RASAL2: variants seen among roughly 807,000 people sequenced by gnomAD.
RASAL2 encodes the protein RAS protein activator like 2.
A neutral mutation model predicts 128.9 loss-of-function variants in RASAL2; 58 were observed. The observed-to-expected ratio is 0.45, with a 90% CI of 0.36 to 0.56. RASAL2 has a LOEUF of 0.56. Among genes scored for constraint, RASAL2 ranks in the 20% least tolerant of loss-of-function variants. The pLI is 0.00. For missense variants in RASAL2, 1,360 were observed against 1,601.6 expected (o/e 0.85, Z 2.57); for synonymous variants, 561 against 580.8 (o/e 0.97, Z 0.49).
intron 1 of RASAL2, among the ~76,000 whole-genome samples, chr1:178,106,083 A>G (rs905634325): frequency 5.3e-5 from 8 of 152,206 alleles, no homozygotes; most frequent in African/African-American, 1.9e-4. Flanking sequence ...TATTGTTAGG[A>G]GTTAATCTAT....
chr1:178,301,948 A>T (rs897130211), intron 3 of RASAL2, among the ~76,000 whole-genome samples: 10 of 152,218 alleles, frequency 6.6e-5, no homozygotes, highest in Non-Finnish European at 1.2e-4. Context: ...GTCTAGAGCC[A>T]GTCCTTATCT....
In RASAL2 at chr1:178,420,527, G is replaced by A. The variant is rs1324783543; in HGVS notation, c.581G>A (p.Arg194His). The A allele has an allele frequency of 5.6e-6, 9 of 1,610,290 alleles. No homozygotes were observed. Among genetic ancestry groups the A allele is most frequent in the South Asian group, 2.2e-5 (2 of 90,550 alleles). The part of the protein sequence containing the change: ...PFKVPGFFSK[R>H]LKGSIKRTKS... ...TCCTTCTAGGGATTCTTCAGCAAGCGCCTGAAAGGCTCCATCAAGAGGACC... is the reference window on the plus strand; with the variant it reads ...TCCTTCTAGGGATTCTTCAGCAAGCACCTGAAAGGCTCCATCAAGAGGACC... Residue 194 changes from arginine (R) to histidine (H), a missense_variant, in exon 5 of 18, where the codon CGC (arginine) becomes CAC (histidine). Transcript: ENST00000367649.
intron 16 of RASAL2, among the ~76,000 whole-genome samples, chr1:178,466,643 G>T (rs532965191): frequency 1.3e-5 from 2 of 152,064 alleles, no homozygotes; most frequent in African/African-American, 2.4e-5. Flanking sequence ...CTCCACCTAC[G>T]CATTATTATT....
chr1:178,315,246 C>A, intron 3 of RASAL2, among the ~76,000 whole-genome samples: 2 of 149,846 alleles, frequency 1.3e-5, no homozygotes, highest in Non-Finnish European at 2.9e-5. Flanking sequence ...GCCGCAATAA[C>A]CATACATGTG....
intron 1 of RASAL2, among the ~76,000 whole-genome samples, chr1:178,150,577 T>C (rs895314801): frequency 4.6e-5 from 7 of 152,222 alleles, no homozygotes; most frequent in African/African-American, 1.7e-4. Flanking sequence ...ATGTGGACTT[T>C]AGGAATTTAA....
chr1:178,108,808 G>A (rs547454148), intron 1 of RASAL2, among the ~76,000 whole-genome samples: 1 of 152,164 alleles, frequency 6.6e-6, no homozygotes, highest in Non-Finnish European at 1.5e-5. Flanking sequence ...GATACGCTTT[G>A]GATGTCATAA....
chr1:178,123,898 T>G (rs576600435), intron 1 of RASAL2: 9 of 152,472 alleles, frequency 5.9e-5, no homozygotes, highest in Admixed American at 5.2e-4. Flanking sequence ...GTCTTGAACT[T>G]CTGGGCTCAA....
At chr1:178,332,238 C>T (rs1201159064) in intron 3 of RASAL2, among the ~76,000 whole-genome samples, 1 of 152,032 alleles carries the variant, frequency 6.6e-6, no homozygotes, top group Non-Finnish European at 1.5e-5. Context: ...CAGTGACTCA[C>T]GCCTGTAATC....
intron 1 of RASAL2, among the ~76,000 whole-genome samples, chr1:178,131,924 T>C (rs949602215): frequency 1.3e-5 from 2 of 152,242 alleles, no homozygotes; most frequent in African/African-American, 4.8e-5. Flanking sequence ...TTTATCCCTA[T>C]ACTAAAATTC....
At chr1:178,225,426 A>G (rs1218618841) in intron 1 of RASAL2, among the ~76,000 whole-genome samples, 1 of 151,998 alleles carries the variant, frequency 6.6e-6, no homozygotes, top group African/African-American at 2.4e-5. Context: ...ATTTTAAATA[A>G]AAGTAGGATC....
At chr1:178,277,163 A>AC (rs1454251178) in intron 1 of RASAL2, among the ~76,000 whole-genome samples, 1 of 151,712 alleles carries the variant, frequency 6.6e-6, no homozygotes, top group South Asian at 2.1e-4. Flanking sequence ...AAAAAAAAAA[A>AC]AAAAAAACCA....
At chr1:178,262,643 A>T (rs1453227206) in intron 1 of RASAL2, among the ~76,000 whole-genome samples, 3 of 152,192 alleles carry the variant, frequency 2.0e-5, no homozygotes, top group Non-Finnish European at 4.4e-5. Flanking sequence ...AGAGAAATAG[A>T]TGAAGAAGAT....
intron 1 of RASAL2, among the ~76,000 whole-genome samples, chr1:178,244,108 C>G (rs1204746728): frequency 6.6e-6 from 1 of 152,160 alleles, no homozygotes; most frequent in African/African-American, 2.4e-5. Context: ...ACCCTTCAGT[C>G]AGTTTGCACT....
At chr1:178,191,131 TC>T (rs2101947504) in intron 1 of RASAL2, among the ~76,000 whole-genome samples, 1 of 152,264 alleles carries the variant, frequency 6.6e-6, no homozygotes, top group African/African-American at 2.4e-5. Context: ...ATTAAAATCA[TC>T]CAAATGATAG....
intron 3 of RASAL2, among the ~76,000 whole-genome samples, chr1:178,380,593 G>T (rs1019879950): frequency 6.6e-6 from 1 of 152,144 alleles, no homozygotes; most frequent in Non-Finnish European, 1.5e-5. Flanking sequence ...GTAGGGGCAG[G>T]TGTCCAGACA....
At chr1:178,402,376 C>T (rs1318319449) in intron 4 of RASAL2, among the ~76,000 whole-genome samples, 1 of 151,312 alleles carries the variant, frequency 6.6e-6, no homozygotes, top group African/African-American at 2.4e-5. Flanking sequence ...TGCACTCCAG[C>T]CTGGGCGACA....
intron 1 of RASAL2, among the ~76,000 whole-genome samples, chr1:178,191,187 C>G (rs911058567): frequency 6.6e-6 from 1 of 152,074 alleles, no homozygotes; most frequent in African/African-American, 2.4e-5. Flanking sequence ...AGCATACACT[C>G]TAGAACTCAA....
intron 17 of RASAL2, among the ~76,000 whole-genome samples, chr1:178,471,942 A>G (rs1233323436): frequency 1.3e-5 from 2 of 152,186 alleles, no homozygotes; most frequent in African/African-American, 4.8e-5. Flanking sequence ...CTCAGGGTCA[A>G]TTTTAAAAAC....
intron 3 of RASAL2, among the ~76,000 whole-genome samples, chr1:178,381,539 C>G (rs78433013): frequency 6.6e-6 from 1 of 151,710 alleles, no homozygotes; most frequent in Non-Finnish European, 1.5e-5. Flanking sequence ...ATATTTAGTT[C>G]TTGGTAAATG....
Sources: allele counts gnomAD v4.1 joint callset (sites outside exome capture counted in the v4.1 genomes callset), GRCh38; gene constraint gnomAD v4.1.1; transcripts MANE v1.5; gene names NCBI Gene and HGNC (gene_info 2026-07-23, HGNC 2026-07-21).